The following NPFFR2 variants were observed in gnomAD, a reference collection of about 807,000 sequenced individuals.
The protein encoded by NPFFR2 is G-protein coupled receptor 74.
NPFFR2 carries 15 observed loss-of-function variants against 13.1 expected under a neutral mutation model. The ratio of observed to expected loss-of-function variants is 1.15; its 90% CI spans 0.77 to 1.76. The LOEUF (loss-of-function observed/expected upper bound fraction) is 1.76. NPFFR2 is among the 40% of genes most tolerant of loss of function. The pLI is 0.00. For synonymous variants in NPFFR2, 190 were observed against 175.7 expected, an observed-to-expected ratio of 1.08 and a Z score of -0.65; for missense variants, 572 against 503.5, an observed-to-expected ratio of 1.14 and a Z score of -1.30.
At chr4:72,087,204 G>A (rs750376277) in intron 1 of NPFFR2, among the ~76,000 whole-genome samples, 5 of 151,982 alleles carry the variant, frequency 3.3e-5, no homozygotes, top group African/African-American at 4.8e-5. Context: ...TCACCTCTAA[G>A]CACTGAAAAA....
At chr4:72,050,454 A>G (rs995226953) in intron 1 of NPFFR2, among the ~76,000 whole-genome samples, 1 of 151,934 alleles carries the variant, frequency 6.6e-6, no homozygotes, top group African/African-American at 2.4e-5. Context: ...GCACAACTGA[A>G]CAGCATTAAC....
intron 1 of NPFFR2, among the ~76,000 whole-genome samples, chr4:72,046,529 A>C (rs1560393455): frequency 6.6e-6 from 1 of 152,174 alleles, no homozygotes; most frequent in Admixed American, 6.5e-5. Flanking sequence ...GAGCCAAATA[A>C]ATTTCTGTTC....
At chr4:72,117,938 AG>A (rs1335365727) in intron 1 of NPFFR2, among the ~76,000 whole-genome samples, 1 of 152,204 alleles carries the variant, frequency 6.6e-6, no homozygotes, top group Admixed American at 6.5e-5. Context: ...ACACAATATG[AG>A]TAAGGTAACA....
At chr4:72,133,247 T>C (rs904180303) in intron 2 of NPFFR2, among the ~76,000 whole-genome samples, 2 of 152,228 alleles carry the variant, frequency 1.3e-5, no homozygotes, top group African/African-American at 4.8e-5. Context: ...GCATGATTTA[T>C]TAAATAGGGA....
intron 1 of NPFFR2, among the ~76,000 whole-genome samples, chr4:72,119,984 T>TCAG (rs1721822041): frequency 6.6e-6 from 1 of 152,092 alleles, no homozygotes; most frequent in African/African-American, 2.4e-5. Flanking sequence ...GTGGTCTGGC[T>TCAG]CAGTGGTCCC....
Position 72,040,422 on chromosome 4 carries a change from T to C in NPFFR2, c.-8+8222T>C, listed in dbSNP as rs1312591767. 2.6e-5 allele frequency among the ~76,000 whole-genome samples: 4 copies of C among 152,176 alleles called. No individual in the cohort carries two copies. The East Asian group carries it at 7.7e-4, about 29-fold the overall frequency. On this transcript the variant is annotated intron_variant, in intron 1 of 3. Coordinates refer to ENST00000308744, the MANE Select transcript of NPFFR2 (RefSeq NM_004885.3). ...TCGAATTGAAAACACACTTTTGTCA[T>C]ATTTTAAAATCTCATATATAATGGG... is the stretch of plus-strand genomic sequence containing the variant.
At chr4:72,137,595 C>T (rs1722456663) in intron 2 of NPFFR2, among the ~76,000 whole-genome samples, 1 of 152,138 alleles carries the variant, frequency 6.6e-6, no homozygotes, top group Non-Finnish European at 1.5e-5. Flanking sequence ...GACGTTCTGA[C>T]TGTTTATTCA....
intron 2 of NPFFR2, among the ~76,000 whole-genome samples, chr4:72,133,553 G>A (rs1462965550): frequency 6.6e-6 from 1 of 152,132 alleles, no homozygotes; most frequent in African/African-American, 2.4e-5. Flanking sequence ...GAATGTCATT[G>A]GTGATTTAAT....
At chr4:72,128,992 C>A in intron 2 of NPFFR2, 73 bp downstream of exon 2, 1 of 1,155,828 alleles carries the variant, frequency 8.7e-7, no homozygotes, top group Non-Finnish European at 1.2e-6. Flanking sequence ...ATTGGCAGGG[C>A]TGTTCATTCA....
intron 1 of NPFFR2, among the ~76,000 whole-genome samples, chr4:72,106,437 G>A (rs1006742740): frequency 9.2e-5 from 14 of 152,198 alleles, no homozygotes; most frequent in African/African-American, 3.4e-4. Flanking sequence ...CAAGGAAAGA[G>A]CCAGCAGCAG....
Position 72,087,276 on chromosome 4 carries a change from A to G in NPFFR2, c.-7-41309A>G, listed in dbSNP as rs75603303. Among the ~76,000 whole-genome samples, 1,133 of 152,226 alleles carry G rather than the reference A, an allele frequency of 7.4e-3. 16 individuals are homozygous for G. The highest frequency in any genetic ancestry group is 0.025 in the African/African-American group (1,029 of 41,554). On this transcript the variant is annotated intron_variant, in intron 1 of 3. Coordinates refer to ENST00000308744, the MANE Select transcript of NPFFR2 (RefSeq NM_004885.3). ...AAAATTAAGACTCACCTGAGATTCT[A>G]TGAATTGCTTTACTAAAAGCCTGGT...
chr4:72,094,064 G>A (rs1720986379), intron 1 of NPFFR2, among the ~76,000 whole-genome samples: 2 of 125,242 alleles, frequency 1.6e-5, no homozygotes. Flanking sequence ...CTAGGGATGG[G>A]GCTTTCTGAG....
At chr4:72,089,879 C>T (rs895763851) in intron 1 of NPFFR2, among the ~76,000 whole-genome samples, 1 of 151,822 alleles carries the variant, frequency 6.6e-6, no homozygotes, top group African/African-American at 2.4e-5. Flanking sequence ...GGGTTCTTGG[C>T]CATGAAGTCT....
chr4:72,057,053 G>A (rs916190882), intron 1 of NPFFR2, among the ~76,000 whole-genome samples: 6 of 151,928 alleles, frequency 3.9e-5, no homozygotes, highest in Non-Finnish European at 7.4e-5. Flanking sequence ...GTGATATATT[G>A]AAGCCTATTG....
chr4:72,084,364 G>T (rs1341617997), intron 1 of NPFFR2, among the ~76,000 whole-genome samples: 1 of 152,126 alleles, frequency 6.6e-6, no homozygotes, highest in African/African-American at 2.4e-5. Flanking sequence ...GAGGATAAAG[G>T]TAGATATGTG....
chr4:72,119,990 G>T (rs1405887994), intron 1 of NPFFR2, among the ~76,000 whole-genome samples: 1 of 152,094 alleles, frequency 6.6e-6, no homozygotes, highest in Non-Finnish European at 1.5e-5. Flanking sequence ...TGGCTCAGTG[G>T]TCCCACCCCC....
chr4:72,091,714 C>T (rs941492982), intron 1 of NPFFR2, among the ~76,000 whole-genome samples: 10 of 151,940 alleles, frequency 6.6e-5, no homozygotes, highest in African/African-American at 2.4e-4. Flanking sequence ...TTTATTTGGA[C>T]TTTCTGTCTT....
intron 2 of NPFFR2, 64 bp downstream of exon 2, chr4:72,128,983 T>C (rs1722155731): frequency 8.1e-7 from 1 of 1,242,034 alleles, no homozygotes; most frequent in African/African-American, 1.5e-5. Flanking sequence ...TCAGCAGCCA[T>C]TGGCAGGGCT....
chr4:72,140,630 G>GT (rs1560424052), intron 3 of NPFFR2, among the ~76,000 whole-genome samples: 1 of 152,160 alleles, frequency 6.6e-6, no homozygotes. Context: ...TGGTGGATAA[G>GT]TTTTTTGATG....
Sources: allele counts gnomAD v4.1 joint callset (sites outside exome capture counted in the v4.1 genomes callset), GRCh38; gene constraint gnomAD v4.1.1; transcripts MANE v1.5; gene names NCBI Gene and HGNC (gene_info 2026-07-23, HGNC 2026-07-21).